The following KATNAL1 variants were observed in gnomAD, a reference collection of about 807,000 sequenced individuals.
KATNAL1 encodes the protein katanin catalytic subunit A1 like 1.
Under a neutral mutation model 55.2 loss-of-function variants are expected in KATNAL1, and 32 were observed. That is an observed-to-expected ratio of 0.58 (90% CI 0.44 to 0.78). The LOEUF is 0.78. Ranked by LOEUF, KATNAL1 falls within the 30% of genes least tolerant of loss-of-function variation. KATNAL1 has a pLI of 0.00. For missense variants in KATNAL1, 466 were observed against 600.9 expected (o/e 0.78, Z 2.35); for synonymous variants, 193 against 193.6 (o/e 1.00, Z 0.02).
rs1593936257 is a variant in KATNAL1 at position 30,278,378 on chromosome 13, T to C, written c.323+1685A>G. Among the ~76,000 whole-genome samples, 3 of 152,310 alleles carry C rather than the reference T, an allele frequency of 2.0e-5. No individual in the cohort carries two copies. The South Asian group carries it at 6.2e-4, about 32-fold the overall frequency. On this transcript the variant is annotated intron_variant, in intron 3 of 10. Transcript: ENST00000380615. ...AGAGAAATACATTCTGGTCCATTCA[T>C]CTTTCACTTTCATTTAGAAAAGGGA...
intron 4 of KATNAL1, among the ~76,000 whole-genome samples, chr13:30,241,522 G>T (rs914564466): frequency 6.6e-6 from 1 of 152,156 alleles, no homozygotes; most frequent in South Asian, 2.1e-4. Flanking sequence ...TGTTTTAAAA[G>T]AAATTTTATG....
chr13:30,279,040 T>C (rs1881073815), intron 3 of KATNAL1, among the ~76,000 whole-genome samples: 1 of 152,242 alleles, frequency 6.6e-6, no homozygotes, highest in Admixed American at 6.5e-5. Context: ...AAAATGTTTT[T>C]AGAAAATTTC....
intron 3 of KATNAL1, among the ~76,000 whole-genome samples, chr13:30,270,108 G>A (rs1435132115): frequency 3.9e-5 from 5 of 127,674 alleles, no homozygotes; most frequent in African/African-American, 8.1e-5. Context: ...CAGCCGCCCC[G>A]TCCGGGAGGT....
At chr13:30,255,310 A>T in intron 4 of KATNAL1, 137 bp downstream of exon 4, 1 of 622,610 alleles carries the variant, frequency 1.6e-6, no homozygotes. Context: ...TACAAAGACT[A>T]CTTAGGCTTT....
At position 30,240,451 on chromosome 13, in the gene KATNAL1, A is replaced by C; in HGVS notation, c.726+9T>G. On this transcript the variant is annotated intron_variant, in intron 6 of 10. Transcript: ENST00000380615. ...TTCTTATATCAAAACCAATTTAATA[A>C]ATTCTCACCTTCCATGGCCTTCTAA... The C allele has an allele frequency of 6.3e-7, 1 of 1,581,882 alleles. No homozygotes were observed. Among genetic ancestry groups the C allele is most frequent in the African/African-American group, 1.3e-5 (1 of 74,456 alleles).
At chr13:30,224,170 A>G (rs1875204445) in intron 9 of KATNAL1, among the ~76,000 whole-genome samples, 1 of 152,156 alleles carries the variant, frequency 6.6e-6, no homozygotes, top group Admixed American at 6.5e-5. Context: ...TAGAAAAAAT[A>G]TGATATAGCA....
At chr13:30,270,061 C>A (rs1353100728) in intron 3 of KATNAL1, among the ~76,000 whole-genome samples, 6 of 130,734 alleles carry the variant, frequency 4.6e-5, no homozygotes, top group East Asian at 2.6e-4. Context: ...CCGCCCCATC[C>A]GGGAGGGAGG....
intron 3 of KATNAL1, among the ~76,000 whole-genome samples, chr13:30,258,880 C>A (rs780670178): frequency 9.2e-5 from 14 of 152,220 alleles, no homozygotes; most frequent in South Asian, 8.3e-4. Flanking sequence ...AGAATTTAAT[C>A]ATTAAGGATA....
rs1872986757 is a variant in KATNAL1, at chr13:30,205,084, G to A, written c.*3456C>T. ...ATGGTAAAAATTGTTCATTAAAATA[G>A]ATCCATAATAGTTACACATTATTCA... On this transcript the variant is annotated 3_prime_UTR_variant, in exon 11 of 11. Transcript: ENST00000380615. 6.6e-6 allele frequency: 1 copy of A among 152,126 alleles called. No homozygotes were observed. Among genetic ancestry groups the A allele is most frequent in the African/African-American group, 2.4e-5 (1 of 41,406 alleles). The allele number at this position is 152,126 out of a possible 1,614,324, so 9.4% of individuals were successfully genotyped here.
intron 3 of KATNAL1, among the ~76,000 whole-genome samples, chr13:30,276,698 A>C (rs1880872619): frequency 6.6e-6 from 1 of 152,210 alleles, no homozygotes; most frequent in Admixed American, 6.5e-5. Flanking sequence ...AAGAATGTTA[A>C]CAAGTAGATA....
chr13:30,239,894 C>G (rs1284042885), intron 6 of KATNAL1, among the ~76,000 whole-genome samples: 3 of 152,074 alleles, frequency 2.0e-5, no homozygotes, highest in Admixed American at 6.5e-5. Flanking sequence ...CCATGTTGGG[C>G]AGGATGGTCT....
chr13:30,283,293 G>GAAAAAAAAAAA (rs1593945549), intron 2 of KATNAL1, among the ~76,000 whole-genome samples: 3 of 55,892 alleles, frequency 5.4e-5, no homozygotes, highest in Non-Finnish European at 1.1e-4. Context: ...AAAAAAAAAG[G>GAAAAAAAAAAA]AATGAATGAA....
chr13:30,275,154 T>A (rs1880749294), intron 3 of KATNAL1, among the ~76,000 whole-genome samples: 1 of 152,202 alleles, frequency 6.6e-6, no homozygotes, highest in Non-Finnish European at 1.5e-5. Context: ...TGACTCATAG[T>A]TCTGCAGGCT....
At chr13:30,255,673 AG>A (rs1355465339) in intron 3 of KATNAL1, 58 bp from the exon 4 acceptor site, 3 of 1,318,192 alleles carry the variant, frequency 2.3e-6, no homozygotes, top group Non-Finnish European at 2.9e-6. Context: ...CAAAGGCAAA[AG>A]TATGTCAATA....
chr13:30,245,361 T>C (rs925843513), intron 4 of KATNAL1, among the ~76,000 whole-genome samples: 1 of 152,182 alleles, frequency 6.6e-6, no homozygotes, highest in East Asian at 1.9e-4. Context: ...CACCCCTTCA[T>C]GCTAAAAACT....
intron 1 of KATNAL1, among the ~76,000 whole-genome samples, chr13:30,285,204 T>C (rs1881692070): frequency 6.6e-6 from 1 of 152,222 alleles, no homozygotes; most frequent in Non-Finnish European, 1.5e-5. Context: ...TATTTTCCTC[T>C]TATAAGGTTC....
intron 3 of KATNAL1, among the ~76,000 whole-genome samples, chr13:30,277,343 A>T (rs1880916094): frequency 6.6e-6 from 1 of 152,184 alleles, no homozygotes; most frequent in Admixed American, 6.5e-5. Context: ...TGAAGTAGAG[A>T]TCCCCATTTT....
rs912837846 is a variant in KATNAL1, at chr13:30,206,610, CTAT to C, written c.*1927_*1929del. 2.0e-5 allele frequency: 3 copies of C among 152,124 alleles called. No homozygotes were observed. The highest frequency in any genetic ancestry group is 4.8e-5 in the African/African-American group (2 of 41,526). The allele number at this position is 152,124 out of a possible 1,614,324, so 9.4% of individuals were successfully genotyped here. A position where few individuals can be genotyped will look rare whatever the true frequency, so the allele number is the denominator to read the frequency against. On this transcript the variant is annotated 3_prime_UTR_variant, in exon 11 of 11. Coordinates refer to ENST00000380615, the MANE Select transcript of KATNAL1 (RefSeq NM_032116.5). Reference sequence around the variant, plus strand: ...ACCCAGAAAAGGTCTAACTAATCAACTATTGTTAGGCTGGTGCAAAAGTAATTG... The same window carrying C: ...ACCCAGAAAAGGTCTAACTAATCAACTGTTAGGCTGGTGCAAAAGTAATTG...
At chr13:30,209,621 C>T (rs1260583476) in intron 10 of KATNAL1, among the ~76,000 whole-genome samples, 1 of 152,230 alleles carries the variant, frequency 6.6e-6, no homozygotes, top group African/African-American at 2.4e-5. Flanking sequence ...CGTGTATCTT[C>T]CCCAGCTTAC....
Sources: allele counts gnomAD v4.1 joint callset (sites outside exome capture counted in the v4.1 genomes callset), GRCh38; gene constraint gnomAD v4.1.1; transcripts MANE v1.5; gene names NCBI Gene and HGNC (gene_info 2026-07-23, HGNC 2026-07-21).